SLITRK3: variants seen among roughly 807,000 people sequenced by gnomAD.
The protein encoded by SLITRK3 is SLIT and NTRK like family member 3, also known as SLIT and NTRK-like protein 3.
A neutral mutation model predicts 63.6 loss-of-function variants in SLITRK3; 16 were observed. That is an observed-to-expected ratio of 0.25 (90% CI 0.17 to 0.38). SLITRK3 has a LOEUF of 0.38. SLITRK3 is among the 10% of genes least tolerant of loss of function. The pLI is 1.00. For synonymous variants in SLITRK3, 547 were observed against 451.6 expected (o/e 1.21, Z -2.68); for missense variants, 1,117 against 1,181.4 (o/e 0.95, Z 0.80).
At chr3:165,194,551 T>C (rs1044737469) in intron 1 of SLITRK3, among the ~76,000 whole-genome samples, 3 of 151,996 alleles carry the variant, frequency 2.0e-5, no homozygotes, top group African/African-American at 7.2e-5. Flanking sequence ...AGTAAACCAA[T>C]ACCGATAGCC....
At position 165,188,278 on chromosome 3, in the gene SLITRK3, C is replaced by T; in HGVS notation, c.2553G>A (p.Gly851=). 3 of 1,613,736 alleles carry T rather than the reference C, an allele frequency of 1.9e-6. No individual in the cohort carries two copies. The highest frequency in any genetic ancestry group is 2.2e-5 in the South Asian group (2 of 91,050). The change falls in exon 2 of 2, where the codon GGG becomes GGA. Residue 851 remains glycine, a synonymous_variant. Transcript: ENST00000475390. ...ACCCTGCCAAGTCTCCCCCAGTTCC[C>T]CCAACTACTCCTGAAACCCCACCAA... is the stretch of plus-strand genomic sequence containing the variant. ...PAVGGVSGVV[G]GTGGDLAGFR... is the part of the protein sequence containing the mutation.
At chr3:165,191,379 G>A (rs1718220201) in intron 1 of SLITRK3, among the ~76,000 whole-genome samples, 1 of 152,312 alleles carries the variant, frequency 6.6e-6, no homozygotes, top group South Asian at 2.1e-4. Flanking sequence ...TAAAGTATGA[G>A]CCTATTGCTC....
chr3:165,196,927 C>CTCTCTCTCTCTCCT (rs56305843), upstream of SLITRK3: 1 of 27,150 alleles, frequency 3.7e-5, no homozygotes, highest in Non-Finnish European at 8.5e-5. Flanking sequence ...CTCTCTCTCT[C>CTCTCTCTCTCTCCT]CTCTCTCTGT....
At position 165,188,787 on chromosome 3, in the gene SLITRK3, G is replaced by A; in HGVS notation, c.2044C>T (p.Arg682Cys). Residue 682 changes from arginine (R) to cysteine (C), a missense_variant, in exon 2 of 2, where the codon CGT (arginine) becomes TGT (cysteine). By Grantham distance (180) the Arg-to-Cys change is radical. Transcript: ENST00000475390. ...CTTCTGAAGGGCAGCTTCTTTCGAC[G>A]CCTTCGGAGCACGTAGGCAAAGAGG... ...AGLFAYVLRR[R>C]RKKLPFRSKR... 6.2e-7 allele frequency: 1 copy of A among 1,614,114 alleles called. No individual in the cohort carries two copies. The highest frequency in any genetic ancestry group is 8.5e-7 in the Non-Finnish European group (1 of 1,180,022).
chr3:165,195,024 CACTTCCT>C (rs980660727), intron 1 of SLITRK3, among the ~76,000 whole-genome samples: 4 of 152,104 alleles, frequency 2.6e-5, no homozygotes, highest in African/African-American at 9.7e-5. Context: ...GCCCCCTTCC[CACTTCCT>C]CCTCCCCACT....
chr3:165,194,968 ATTTG>A (rs2108212099), intron 1 of SLITRK3, among the ~76,000 whole-genome samples: 2 of 152,162 alleles, frequency 1.3e-5, no homozygotes, highest in South Asian at 4.1e-4. Context: ...GCCCAGAGCC[ATTTG>A]TTTGTCCAGA....
chr3:165,192,357 G>T, intron 1 of SLITRK3, among the ~76,000 whole-genome samples: 1 of 152,118 alleles, frequency 6.6e-6, no homozygotes. Flanking sequence ...AGGCTACATT[G>T]CAGTATCAAT....
chr3:165,196,946 C>A (rs1313514341), upstream of SLITRK3: 1 of 134,152 alleles, frequency 7.5e-6, no homozygotes, highest in East Asian at 2.4e-4. Flanking sequence ...GTCTCTCTCT[C>A]TCTCGCTCTC....
At chr3:165,190,955 C>T in intron 1 of SLITRK3, 104 bp from the exon 2 acceptor site, 1 of 793,736 alleles carries the variant, frequency 1.3e-6, no homozygotes, top group Admixed American at 3.0e-5. Flanking sequence ...AAAACTTCAG[C>T]AATTGTTGAA....
rs773588562 is a variant in SLITRK3 at position 165,187,958 on chromosome 3, G to A, written c.2873C>T (p.Ala958Val). The A allele has an allele frequency of 5.6e-6, 9 of 1,613,826 alleles. No homozygotes were observed. The highest frequency in any genetic ancestry group is 7.6e-6 in the Non-Finnish European group (9 of 1,179,986). The change falls in exon 2 of 2, where the codon GCC becomes GTC. Residue 958 changes from alanine to valine, a missense_variant. Coordinates refer to ENST00000475390, the MANE Select transcript of SLITRK3 (RefSeq NM_001318810.2). ...GTAATCCGGCTTGGTTTGAAGTTTG[G>A]CCCTTAACTCGAGGTAATCACTTTT... ...TQKSDYLELR[A>V]KLQTKPDYLE...
rs978403039 is a variant in SLITRK3 at position 165,186,920 on chromosome 3, C to T, written c.*977G>A. 1 of 151,878 alleles carries T rather than the reference C, an allele frequency of 6.6e-6. No individual in the cohort carries two copies. Among genetic ancestry groups the T allele is most frequent in the African/African-American group, 2.4e-5 (1 of 41,212 alleles). The allele number at this position is 151,878 out of a possible 1,614,324, so 9.4% of individuals were successfully genotyped here. A position where few individuals can be genotyped will look rare whatever the true frequency, so the allele number is the denominator to read the frequency against. On this transcript the variant is annotated 3_prime_UTR_variant, in exon 2 of 2. Coordinates refer to ENST00000475390, the MANE Select transcript of SLITRK3 (RefSeq NM_001318810.2). ...GCTGTTAGTGATATATACCCAGTTGCTTTTTTTAATATTATATATATATAT... is the reference window on the plus strand; with the variant it reads ...GCTGTTAGTGATATATACCCAGTTGTTTTTTTTAATATTATATATATATAT...
rs745363408 is a variant in SLITRK3 at position 165,190,639 on chromosome 3, T to C, written c.192A>G (p.Lys64=). Residue 64 remains lysine, a synonymous_variant, in exon 2 of 2, where the codon AAA becomes AAG. Transcript: ENST00000475390. ...TAATCTGACTAATATTTGTAAATCC[T>C]TTACTGTCACAATGTATATGAAAGA... The part of the protein sequence containing the change: ...ESLFHIHCDS[K]GFTNISQITE... 2 of 1,614,048 alleles carry C rather than the reference T, an allele frequency of 1.2e-6. No individual in the cohort carries two copies. Among genetic ancestry groups the C allele is most frequent in the South Asian group, 2.2e-5 (2 of 91,074 alleles).
chr3:165,188,403 T>A lies in SLITRK3; in HGVS notation c.2428A>T (p.Thr810Ser), dbSNP rs767666959. ...CACTCCTTCTCTTTTTCCAGCAAGG[T>A]CCGGTAGTTACTATGGTTCTCCTTG... is the stretch of plus-strand genomic sequence containing the variant. ...TPKENHSNYR[T>S]LLEKEKEWAL... The change falls in exon 2 of 2, where the codon ACC becomes TCC. Residue 810 changes from threonine (T) to serine (S), a missense_variant. Transcript: ENST00000475390. 1 of 1,613,880 alleles carries A rather than the reference T, an allele frequency of 6.2e-7. No individual in the cohort carries two copies.
chr3:165,187,805 T>C lies in SLITRK3; in HGVS notation c.*92A>G. 2 of 1,069,010 alleles carry C rather than the reference T, an allele frequency of 1.9e-6. No individual in the cohort carries two copies. Among genetic ancestry groups the C allele is most frequent in the Non-Finnish European group, 2.7e-6 (2 of 735,222 alleles). The allele number at this position is 1,069,010 out of a possible 1,614,324, so 66.2% of individuals were successfully genotyped here. A position where few individuals can be genotyped will look rare whatever the true frequency, so the allele number is the denominator to read the frequency against. On this transcript the variant is annotated 3_prime_UTR_variant, in exon 2 of 2. Transcript: ENST00000475390. ...GGAAAGATCGTGAGGATGGAGTTAC[T>C]GGGACAAGTGTAAAGGGAGCAAGGG...
upstream of SLITRK3, among the ~76,000 whole-genome samples, chr3:165,196,396 A>G (rs1466529995): frequency 1.6e-5 from 2 of 128,542 alleles, no homozygotes; most frequent in Non-Finnish European, 3.1e-5. Flanking sequence ...ACCGCTCACC[A>G]TTCAAGCACC....
chr3:165,193,421 T>C lies in SLITRK3; in HGVS notation c.-22+2159A>G, dbSNP rs140155986. Among the ~76,000 whole-genome samples, 146 of 152,046 alleles carry C rather than the reference T, an allele frequency of 9.6e-4. 1 individual carries two copies. The highest frequency in any genetic ancestry group is 3.4e-3 in the African/African-American group (143 of 41,482). ...GAAAAGTGAGACTATCCTTCGTAAG[T>C]ATCATTTTCACAGGACAGCCATTCC... is the stretch of plus-strand genomic sequence containing the variant. On this transcript the variant is annotated intron_variant, in intron 1 of 1. Transcript: ENST00000475390.
At chr3:165,190,921 G>T in intron 1 of SLITRK3, 70 bp from the exon 2 acceptor site, 1 of 1,126,636 alleles carries the variant, frequency 8.9e-7, no homozygotes, top group Non-Finnish European at 1.2e-6. Context: ...ACTCCTACAT[G>T]TGGGGCATTT....
chr3:165,189,464 G>T lies in SLITRK3; in HGVS notation c.1367C>A (p.Pro456His). The T allele has an allele frequency of 6.2e-7, 1 of 1,613,412 alleles. No individual in the cohort carries two copies. Among genetic ancestry groups the T allele is most frequent in the Non-Finnish European group, 8.5e-7 (1 of 1,180,008 alleles). Reference sequence around the variant, plus strand: ...ATTAAGGAAGAGGCTCTTTAAGTTGGGCAAGTTGATAAAGGCCCCATCTTG... The same window carrying T: ...ATTAAGGAAGAGGCTCTTTAAGTTGTGCAAGTTGATAAAGGCCCCATCTTG... The part of the protein sequence containing the change: ...YVQDGAFINL[P>H]NLKSLFLNGN... Residue 456 changes from proline (P) to histidine (H), a missense_variant, in exon 2 of 2, where the codon CCC becomes CAC. This residue lies in a region of SLITRK3 where 158 missense variants were observed against 197.2 expected (regional missense o/e 0.80). Coordinates refer to ENST00000475390, the MANE Select transcript of SLITRK3 (RefSeq NM_001318810.2). The surrounding 1 kb of genome is among the most constrained non-coding windows in gnomAD (Gnocchi z 4.0).
rs141763022 is a variant in SLITRK3 at position 165,187,992 on chromosome 3, G to A, written c.2839C>T (p.Gln947Ter). The stretch of plus-strand genomic sequence containing the variant: ...TCGAGGTAATCACTTTTTTGGGTTT[G>A]GTGGTCTGTGAAGCCCTTTCCAGCC... Reference protein sequence around the residue: ...FSAGKGFTDHQTQKSDYLELR... With the variant: ...FSAGKGFTDH Residue 947 changes from glutamine to a stop codon, truncating the protein, a stop_gained, in exon 2 of 2, where the codon CAA becomes TAA. Coordinates refer to ENST00000475390, the MANE Select transcript of SLITRK3 (RefSeq NM_001318810.2). LOFTEE classifies it high-confidence loss of function. 12 of 1,613,876 alleles carry A rather than the reference G, an allele frequency of 7.4e-6. No individual in the cohort carries two copies. The highest frequency in any genetic ancestry group is 5.1e-6 in the Non-Finnish European group (6 of 1,179,950).
Sources: gnomAD v4.1 joint callset for allele counts (sites outside exome capture counted in the v4.1 genomes callset) on GRCh38, gnomAD v4.1.1 for gene constraint, gnomAD v4.1.1 regional missense constraint, Gnocchi (gnomAD v3.1) non-coding constraint, MANE v1.5 for transcripts, NCBI Gene and HGNC (gene_info 2026-07-23, HGNC 2026-07-21) for gene names.